The following HERC2 variants were observed in gnomAD, a reference collection of about 807,000 sequenced individuals.
The protein encoded by HERC2 is E3 ubiquitin-protein ligase HERC2.
In HERC2, 102 loss-of-function variants were observed where a neutral mutation model predicts 537.7. The observed-to-expected ratio is 0.19, with a 90% confidence interval of 0.16 to 0.22. HERC2 has a LOEUF of 0.22. Ranked by LOEUF, HERC2 falls within the 10% of genes least tolerant of loss-of-function variation. The pLI is 1.00. For synonymous variants in HERC2, 2,224 were observed against 2,466.2 expected (o/e 0.90, Z 2.91); for missense variants, 4,236 against 6,198.2 (o/e 0.68, Z 10.63).
chr15:28,274,355 C>G lies in HERC2; in HGVS notation c.736G>C (p.Val246Leu). 1 of 1,614,214 alleles carries G rather than the reference C, an allele frequency of 6.2e-7. No homozygotes were observed. ...ACCACCTCCAGCCACACAGAGGACA[C>G]GGTGCTCTCGTCAAAGAGCGAGGCC... ...PEASLFDEST[V>L]SSVWLEVVER... is the part of the protein sequence containing the mutation. Residue 246 changes from valine (V) to leucine (L), a missense_variant, in exon 7 of 93, where the codon GTG (valine) becomes CTG (leucine). Physicochemically the swap from Val to Leu is conservative, Grantham distance 32. Around this residue, in one of 27 missense-constraint regions of HERC2, gnomAD observed 491 missense variants for 559.3 expected, o/e 0.88. Transcript: ENST00000261609.
intron 43 of HERC2, among the ~76,000 whole-genome samples, chr15:28,211,921 T>C (rs1273886768): frequency 3.3e-5 from 5 of 152,016 alleles, no homozygotes; most frequent in Non-Finnish European, 7.4e-5. Context: ...ACATAAAGAA[T>C]GAGCAGAGAG....
chr15:28,175,904 T>G lies in HERC2; in HGVS notation c.9687-248A>C, dbSNP rs8032138. On this transcript the variant is annotated intron_variant, in intron 63 of 92. Transcript: ENST00000261609. ...TTTAAGTTACTGTTGTAGGTTTTCA[T>G]ATAAAGAGACTGAAAATAAGACACA... Among the ~76,000 whole-genome samples the G allele has an allele frequency of 1.5e-3, 232 of 152,316 alleles. 1 individual carries two copies. Among genetic ancestry groups the G allele is most frequent in the African/African-American group, 5.4e-3 (226 of 41,566 alleles).
intron 52 of HERC2, among the ~76,000 whole-genome samples, chr15:28,192,610 C>A (rs575145271): frequency 2.6e-5 from 4 of 152,326 alleles, no homozygotes; most frequent in South Asian, 2.1e-4. Context: ...TAAATAAATT[C>A]TCTTCGAACT....
intron 70 of HERC2, among the ~76,000 whole-genome samples, chr15:28,150,163 T>C (rs1463160075): frequency 6.6e-6 from 1 of 151,394 alleles, no homozygotes; most frequent in Non-Finnish European, 1.5e-5. Flanking sequence ...ATGCACATTC[T>C]AGTGAAATCA....
chr15:28,131,274 A>T (rs974150001), intron 81 of HERC2, among the ~76,000 whole-genome samples: 1 of 152,116 alleles, frequency 6.6e-6, no homozygotes, highest in Non-Finnish European at 1.5e-5. Flanking sequence ...CAGCCTTGGA[A>T]GTGCAAACCC....
At position 28,192,032 on chromosome 15, in the gene HERC2, A is replaced by T; in HGVS notation, c.8380T>A (p.Ser2794Thr). The change falls in exon 53 of 93, where the codon TCC becomes ACC. Residue 2794 changes from serine (S) to threonine (T), a missense_variant. Physicochemically the swap from Ser to Thr is moderately conservative, Grantham distance 58. Transcript: ENST00000261609. Reference protein sequence around the residue: ...RMVKSLNVSSSVNQASRLIDG... With the variant: ...RMVKSLNVSSTVNQASRLIDG... Reference sequence around the variant, plus strand: ...ATGAGACGGGATGCCTGGTTCACGGAGGACGACACATTCAGGCTCTTCACC... The same window carrying T: ...ATGAGACGGGATGCCTGGTTCACGGTGGACGACACATTCAGGCTCTTCACC... The T allele has an allele frequency of 1.2e-6, 2 of 1,614,048 alleles. No homozygotes were observed. Among genetic ancestry groups the T allele is most frequent in the Non-Finnish European group, 1.7e-6 (2 of 1,180,026 alleles).
In HERC2 at chr15:28,255,997, C is replaced by T; in HGVS notation, c.2747-1G>A. ...CTTATGTTCACTTCATTGCCTGAAA[C>T]TGAAATAGAAAGTGTGTGCCAATTT... On this transcript the variant is annotated splice_acceptor_variant, in intron 18 of 92. Transcript: ENST00000261609. LOFTEE classifies it high-confidence loss of function. The T allele has an allele frequency of 6.2e-7, 1 of 1,605,886 alleles. No individual in the cohort carries two copies. The highest frequency in any genetic ancestry group is 8.5e-7 in the Non-Finnish European group (1 of 1,179,838).
rs1183775086 is a variant in HERC2, at chr15:28,124,175, C to T, written c.13050G>A (p.Leu4350=). The T allele has an allele frequency of 1.3e-6, 2 of 1,572,312 alleles. No individual in the cohort carries two copies. The highest frequency in any genetic ancestry group is 3.7e-5 in the Admixed American group (2 of 54,446). ...GCTCGGAGAGGTGGTGCAGCAGCAG[C>T]AGACGGTTCCTCAGCGCAATGATGG... ...EIPIIALRNR[L]LLLHHLSELF... The change falls in exon 85 of 93, where the codon CTG becomes CTA. Residue 4350 remains leucine, a synonymous_variant. Transcript: ENST00000261609.
chr15:28,179,209 C>G lies in HERC2; in HGVS notation c.8952G>C (p.Ser2984=), dbSNP rs765646924. 1.2e-6 allele frequency: 2 copies of G among 1,605,120 alleles called. No individual in the cohort carries two copies. The highest frequency in any genetic ancestry group is 1.7e-6 in the Non-Finnish European group (2 of 1,176,578). ...GLKGSKIKVP[S]FSETLSALNV... ...TCAAAGCTGACAGTGTCTCAGAGAA[C>G]GAAGGAACCTTTATCTACAACAGAA... Residue 2984 remains serine, a synonymous_variant, in exon 58 of 93, where the codon TCG becomes TCC. Coordinates refer to ENST00000261609, the MANE Select transcript of HERC2 (RefSeq NM_004667.6).
chr15:28,170,308 G>A (rs762640713), intron 65 of HERC2, among the ~76,000 whole-genome samples: 12 of 152,236 alleles, frequency 7.9e-5, no homozygotes, highest in African/African-American at 1.7e-4. Flanking sequence ...AACCAAAACT[G>A]TGTGGTACTG....
At position 28,176,175 on chromosome 15, in the gene HERC2, T is replaced by A. The variant is rs4932608; in HGVS notation, c.9686+253A>T. Among the ~76,000 whole-genome samples, 1,560 of 152,312 alleles carry A rather than the reference T, an allele frequency of 0.01. 44 individuals carry two copies. The highest frequency in any genetic ancestry group is 0.046 in the Admixed American group (705 of 15,300). ...CAGCAGAAGAAACCGTTCCCATAAA[T>A]CTCACCCAAACAGGAAAGGTAAGTG... On this transcript the variant is annotated intron_variant, in intron 63 of 92. Coordinates refer to ENST00000261609, the MANE Select transcript of HERC2 (RefSeq NM_004667.6). This position sits in a 1 kb window ranked among gnomAD's most constrained non-coding sequence, Gnocchi z 5.0.
intron 83 of HERC2, among the ~76,000 whole-genome samples, chr15:28,127,943 T>C (rs1165641670): frequency 6.6e-6 from 1 of 152,134 alleles, no homozygotes; most frequent in Non-Finnish European, 1.5e-5. Context: ...TACTAAATAC[T>C]TGTTAATTAT....
At chr15:28,304,084 TCAACCCAGGAGG>T (rs1212406154) in intron 2 of HERC2, among the ~76,000 whole-genome samples, 2 of 142,372 alleles carry the variant, frequency 1.4e-5, no homozygotes, top group Non-Finnish European at 3.0e-5. Flanking sequence ...GAGGATCGCT[TCAACCCAGGAGG>T]CAGAGGTTGC....
chr15:28,188,415 G>T (rs935206425), intron 55 of HERC2, among the ~76,000 whole-genome samples: 1 of 152,002 alleles, frequency 6.6e-6, no homozygotes, highest in Admixed American at 6.6e-5. Flanking sequence ...ATGGTGGCAG[G>T]CGCCTATAGT....
At chr15:28,139,936 C>T (rs11855003) in intron 78 of HERC2, among the ~76,000 whole-genome samples, 126,192 of 149,912 alleles carry the variant, frequency 0.84, 56,904 homozygotes, top group Non-Finnish European at 0.99. Context: ...GGCGTGGTGG[C>T]GGGCGCCTGT....
chr15:28,123,154 G>A (rs888347665), intron 85 of HERC2, among the ~76,000 whole-genome samples: 4 of 152,110 alleles, frequency 2.6e-5, no homozygotes, highest in South Asian at 2.1e-4. Flanking sequence ...TCAGGCACAC[G>A]TGAAAGTAAA....
chr15:28,162,708 T>G (rs919513798), intron 69 of HERC2, among the ~76,000 whole-genome samples: 1 of 151,906 alleles, frequency 6.6e-6, no homozygotes, highest in Non-Finnish European at 1.5e-5. Flanking sequence ...GCTAACATGG[T>G]AAAACCCCGA....
At chr15:28,306,765 T>G (rs1223282721) in intron 2 of HERC2, among the ~76,000 whole-genome samples, 1 of 152,246 alleles carries the variant, frequency 6.6e-6, no homozygotes, top group Admixed American at 6.5e-5. Context: ...GTTATTGGTA[T>G]GTTCAGGTTC....
intron 4 of HERC2, 125 bp downstream of exon 4, chr15:28,292,761 CAA>C: frequency 1.0e-6 from 1 of 971,322 alleles, no homozygotes; most frequent in South Asian, 1.6e-5. Flanking sequence ...TATTTTACCA[CAA>C]TATTTAAATT....
Sources: allele counts gnomAD v4.1 joint callset (sites outside exome capture counted in the v4.1 genomes callset), GRCh38; gene constraint gnomAD v4.1.1; regional missense constraint gnomAD v4.1.1; non-coding constraint Gnocchi (gnomAD v3.1); transcripts MANE v1.5; gene names NCBI Gene and HGNC (gene_info 2026-07-23, HGNC 2026-07-21).